PHIP: variants seen among roughly 807,000 people sequenced by gnomAD.
PHIP encodes the protein PH-interacting protein.
Under a neutral mutation model 236.8 loss-of-function variants are expected in PHIP, and 54 were observed. The observed-to-expected ratio is 0.23, with a 90% CI of 0.18 to 0.29. PHIP has a LOEUF of 0.29. Ranked by LOEUF, PHIP falls within the 10% of genes least tolerant of loss-of-function variation. The pLI is 1.00. For synonymous variants in PHIP, 756 were observed against 718.9 expected (o/e 1.05, Z -0.83); for missense variants, 1,370 against 2,190.8 (o/e 0.63, Z 7.48).
chr6:78,949,454 G>T (rs1484784695), intron 35 of PHIP, among the ~76,000 whole-genome samples: 1 of 152,010 alleles, frequency 6.6e-6, no homozygotes, highest in East Asian at 1.9e-4. Flanking sequence ...TCATCTCAGA[G>T]CTGGGACCAG....
intron 6 of PHIP, among the ~76,000 whole-genome samples, chr6:79,052,623 T>G (rs998189120): frequency 6.6e-6 from 1 of 152,178 alleles, no homozygotes; most frequent in Non-Finnish European, 1.5e-5. Flanking sequence ...AAAAGCTAAC[T>G]TTGCAAAAAA....
At chr6:79,063,865 C>T (rs1356660752) in intron 4 of PHIP, among the ~76,000 whole-genome samples, 1 of 152,168 alleles carries the variant, frequency 6.6e-6, no homozygotes, top group Admixed American at 6.5e-5. Flanking sequence ...TGACTCTCTA[C>T]TTGCTTCCTC....
At chr6:79,032,251 G>T (rs1346791196) in intron 7 of PHIP, among the ~76,000 whole-genome samples, 1 of 152,214 alleles carries the variant, frequency 6.6e-6, no homozygotes, top group Non-Finnish European at 1.5e-5. Flanking sequence ...AGTTGCTGAA[G>T]GTTGGGGTAG....
intron 6 of PHIP, among the ~76,000 whole-genome samples, chr6:79,053,858 T>A (rs906542054): frequency 6.6e-6 from 1 of 152,178 alleles, no homozygotes; most frequent in Non-Finnish European, 1.5e-5. Context: ...ATGGTTTATA[T>A]GAAGTGGAGG....
intron 6 of PHIP, among the ~76,000 whole-genome samples, chr6:79,059,591 T>TTA (rs72226338): frequency 0.1 from 8,571 of 84,252 alleles, 421 homozygotes; most frequent in East Asian, 0.14. Flanking sequence ...GAAAGCAAAA[T>TTA]TATATATATA....
At chr6:78,964,498 T>A (rs913286630) in intron 29 of PHIP, among the ~76,000 whole-genome samples, 5 of 152,104 alleles carry the variant, frequency 3.3e-5, no homozygotes, top group African/African-American at 1.2e-4. Context: ...TGTAATATAT[T>A]ATTATTATTT....
chr6:78,966,728 T>C (rs193012663), intron 27 of PHIP, among the ~76,000 whole-genome samples: 7 of 152,362 alleles, frequency 4.6e-5, no homozygotes, highest in Admixed American at 1.3e-4. Context: ...CTATGGCTTT[T>C]TCTTATCTAA....
Position 79,077,458 on chromosome 6 carries a change from T to A in PHIP, c.179A>T (p.Tyr60Phe). 6.3e-7 allele frequency: 1 copy of A among 1,599,520 alleles called. No homozygotes were observed. Among genetic ancestry groups the A allele is most frequent in the Non-Finnish European group, 8.5e-7 (1 of 1,171,372 alleles). ...ACGTGAATGTCTCACCAGATTCTGG[T>A]AGGTCCTGGGATGCTCCTTCCCGGT... is the stretch of plus-strand genomic sequence containing the variant. ...DWTGKEHPRT[Y>F]QNLVKYYRHL... Residue 60 changes from tyrosine to phenylalanine, a missense_variant, in exon 4 of 40, where the codon TAC becomes TTC. By Grantham distance (22) the Tyr-to-Phe change is conservative. Around this residue, in one of 14 missense-constraint regions of PHIP, gnomAD observed 82 missense variants for 203.2 expected, o/e 0.40. Coordinates refer to ENST00000275034, the MANE Select transcript of PHIP (RefSeq NM_017934.7).
Position 79,068,488 on chromosome 6 carries a change from AC to A in PHIP, c.190-7671del, listed in dbSNP as rs1377746841. 2.6e-5 allele frequency among the ~76,000 whole-genome samples: 4 copies of A among 151,986 alleles called. No individual in the cohort carries two copies. The East Asian group carries it at 5.8e-4, about 22-fold the overall frequency. On this transcript the variant is annotated intron_variant, in intron 4 of 39. Coordinates refer to ENST00000275034, the MANE Select transcript of PHIP (RefSeq NM_017934.7). The stretch of plus-strand genomic sequence containing the variant: ...AAAAACAAAGCGAAATAAACAAAAA[AC>A]CCCACGAAATCTCAAGTCACACAGC...
At position 78,982,947 on chromosome 6, in the gene PHIP, T is replaced by C. The variant is rs745354672; in HGVS notation, c.2708A>G (p.Asn903Ser). The C allele has an allele frequency of 6.2e-7, 1 of 1,602,618 alleles. No individual in the cohort carries two copies. The highest frequency in any genetic ancestry group is 1.1e-5 in the South Asian group (1 of 88,340). Residue 903 changes from asparagine to serine, a missense_variant, in exon 23 of 40, where the codon AAT becomes AGT. Transcript: ENST00000275034. ...KQIKKEKKKVNEEKDGPISPK... is the reference protein window; with the variant it reads ...KQIKKEKKKVSEEKDGPISPK... Reference sequence around the variant, plus strand: ...TGATATTGGTCCATCTTTTTCTTCATTTACTTTTTTCTTTTCCTTTTTAAT... The same window carrying C: ...TGATATTGGTCCATCTTTTTCTTCACTTACTTTTTTCTTTTCCTTTTTAAT...
intron 16 of PHIP, among the ~76,000 whole-genome samples, chr6:79,002,641 T>G (rs555461877): frequency 6.6e-6 from 1 of 152,098 alleles, no homozygotes; most frequent in Non-Finnish European, 1.5e-5. Context: ...GTTTTAGACA[T>G]CCATTTGGAG....
intron 13 of PHIP, 35 bp downstream of exon 13, chr6:79,016,509 A>G (rs762028144): frequency 1.5e-6 from 2 of 1,316,740 alleles, no homozygotes; most frequent in Non-Finnish European, 2.2e-6. Flanking sequence ...TTAAAAAATC[A>G]ATATATACAT....
At chr6:78,979,717 T>C (rs1183590693) in intron 23 of PHIP, among the ~76,000 whole-genome samples, 4 of 152,096 alleles carry the variant, frequency 2.6e-5, no homozygotes, top group African/African-American at 9.7e-5. Context: ...TTGATTAAAG[T>C]CTTTTGTGAA....
chr6:79,013,504 A>G (rs1770692875), intron 15 of PHIP, among the ~76,000 whole-genome samples: 1 of 151,784 alleles, frequency 6.6e-6, no homozygotes, highest in Non-Finnish European at 1.5e-5. Context: ...TAAGGCAGTA[A>G]TGTAACCAAT....
chr6:79,024,580 G>A (rs1476610038), intron 9 of PHIP, among the ~76,000 whole-genome samples: 3 of 152,102 alleles, frequency 2.0e-5, no homozygotes, highest in East Asian at 1.9e-4. Context: ...CGAGGTGGGC[G>A]GATCACGAGG....
intron 6 of PHIP, among the ~76,000 whole-genome samples, chr6:79,046,493 T>C (rs967527690): frequency 2.0e-5 from 3 of 152,218 alleles, no homozygotes; most frequent in African/African-American, 7.2e-5. Flanking sequence ...GATAACAAAC[T>C]TCACATGGGC....
intron 39 of PHIP, 55 bp downstream of exon 39, chr6:78,945,245 G>T: frequency 7.8e-7 from 1 of 1,277,140 alleles, no homozygotes; most frequent in Non-Finnish European, 1.1e-6. Context: ...TCCAACAAAA[G>T]CATTATTTAT....
chr6:79,044,157 T>A (rs965092039), intron 6 of PHIP, among the ~76,000 whole-genome samples: 1 of 152,022 alleles, frequency 6.6e-6, no homozygotes, highest in Non-Finnish European at 1.5e-5. Context: ...CCTTTACAGG[T>A]TCCTAAGCAG....
intron 35 of PHIP, among the ~76,000 whole-genome samples, chr6:78,952,682 T>C (rs1348257089): frequency 1.3e-5 from 2 of 152,162 alleles, no homozygotes; most frequent in Admixed American, 1.3e-4. Context: ...TTTTTAAAAC[T>C]GTCCAGTAAG....
Sources: gnomAD v4.1 joint callset for allele counts (sites outside exome capture counted in the v4.1 genomes callset) on GRCh38, gnomAD v4.1.1 for gene constraint, gnomAD v4.1.1 regional missense constraint, MANE v1.5 for transcripts, NCBI Gene and HGNC (gene_info 2026-07-23, HGNC 2026-07-21) for gene names.